The following LIPM variants were observed in gnomAD, a reference collection of about 807,000 sequenced individuals.
LIPM encodes lipase member M.
LIPM carries 42 observed loss-of-function variants against 42.4 expected under a neutral mutation model. That is an observed-to-expected ratio of 0.99 (90% CI 0.77 to 1.28). The LOEUF is 1.28. LIPM is among the 50% of genes most tolerant of loss of function. The pLI is 0.00. For synonymous variants in LIPM, 177 were observed against 173.3 expected, an observed-to-expected ratio of 1.02 and a Z score of -0.17; for missense variants, 524 against 520.1, an observed-to-expected ratio of 1.01 and a Z score of -0.07.
intron 1 of LIPM, among the ~76,000 whole-genome samples, chr10:88,806,218 T>C (rs3891558): frequency 0.14 from 20,547 of 152,194 alleles, 1,986 homozygotes; most frequent in African/African-American, 0.27. Context: ...GCAGCATTTG[T>C]AGTTCTTTTT....
intron 6 of LIPM, 129 bp downstream of exon 6, chr10:88,815,632 C>G: frequency 1.3e-6 from 1 of 796,436 alleles, no homozygotes; most frequent in Non-Finnish European, 1.9e-6. Context: ...ACTCAGTTCT[C>G]TGCAAACTGT....
chr10:88,806,009 A>G, intron 1 of LIPM: 1 of 456,546 alleles, frequency 2.2e-6, no homozygotes, highest in Non-Finnish European at 4.4e-6. Flanking sequence ...CAAACAGGTC[A>G]GTCACTGGAT....
In LIPM at chr10:88,810,510, C is replaced by CAAA. The variant is rs5786838; in HGVS notation, c.265+2109_265+2111dup. Among the ~76,000 whole-genome samples, 17 of 137,064 alleles carry CAAA rather than the reference C, an allele frequency of 1.2e-4. No individual in the cohort carries two copies. The East Asian group carries it at 1.2e-3, about 10-fold the overall frequency. The allele number at this position is 137,064 out of a possible 152,430, so 89.9% of individuals were successfully genotyped here. On this transcript the variant is annotated intron_variant, in intron 2 of 8. Transcript: ENST00000404743. ...CCTCTTCAGAGGCAATCTCCCATATCAAAAAAAAAAAAAAAATTCACCAAC... is the reference window on the plus strand; with the variant it reads ...CCTCTTCAGAGGCAATCTCCCATATCAAAAAAAAAAAAAAAAAAATTCACCAAC...
intron 4 of LIPM, 139 bp downstream of exon 4, chr10:88,814,778 T>G: frequency 1.5e-6 from 1 of 684,322 alleles, no homozygotes; most frequent in Non-Finnish European, 2.5e-6. Flanking sequence ...CCCAGCAATG[T>G]GTCTAGCATA....
At chr10:88,805,760 A>G (rs80052357) in intron 1 of LIPM, among the ~76,000 whole-genome samples, 1 of 152,284 alleles carries the variant, frequency 6.6e-6, no homozygotes, top group Admixed American at 6.5e-5. Context: ...TATTTGCCCC[A>G]GGTTGGATTT....
chr10:88,816,695 A>C (rs553584729), intron 6 of LIPM, 121 bp from the exon 7 acceptor site: 2 of 646,472 alleles, frequency 3.1e-6, no homozygotes, highest in East Asian at 5.6e-5. Flanking sequence ...TTCATAGATA[A>C]TTGCTGATAA....
intron 1 of LIPM, among the ~76,000 whole-genome samples, chr10:88,807,304 T>G (rs12412903): frequency 0.04 from 6,099 of 152,288 alleles, 260 homozygotes; most frequent in East Asian, 0.13. Flanking sequence ...TTAGAACCAG[T>G]GTTAAAACTC....
chr10:88,818,827 T>C (rs1843749894), intron 8 of LIPM, among the ~76,000 whole-genome samples: 1 of 152,206 alleles, frequency 6.6e-6, no homozygotes, highest in African/African-American at 2.4e-5. Context: ...GAAGTCTTTC[T>C]TCACTGTTTC....
At chr10:88,811,265 C>T (rs1160903360) in intron 2 of LIPM, among the ~76,000 whole-genome samples, 1 of 152,150 alleles carries the variant, frequency 6.6e-6, no homozygotes, top group Non-Finnish European at 1.5e-5. Flanking sequence ...CTGCCAAAAC[C>T]CTGTGAGGTG....
At chr10:88,812,206 T>G (rs952161006) in intron 2 of LIPM, among the ~76,000 whole-genome samples, 1 of 152,222 alleles carries the variant, frequency 6.6e-6, no homozygotes, top group African/African-American at 2.4e-5. Context: ...AGTGAAGTTA[T>G]ATCTTTCTTG....
Position 88,817,935 on chromosome 10 carries a change from T to C in LIPM, c.1002+39T>C, listed in dbSNP as rs937761029. On this transcript the variant is annotated intron_variant, in intron 8 of 8. Transcript: ENST00000404743. ...ATACCATCTGCTGAAAATATATACA[T>C]TGGAAATGTATGACAGGGACGTTAT... 1.3e-5 allele frequency: 18 copies of C among 1,429,404 alleles called. No individual in the cohort carries two copies. In the African/African-American group the frequency reaches 2.1e-4, roughly 17 times the overall value. 88.5% of individuals were successfully genotyped at this position (1,429,404 alleles called of 1,614,324 possible).
chr10:88,812,216 G>A (rs1405096656), intron 2 of LIPM, among the ~76,000 whole-genome samples: 3 of 152,056 alleles, frequency 2.0e-5, no homozygotes, highest in Non-Finnish European at 2.9e-5. Context: ...TATCTTTCTT[G>A]GTTCATCATA....
intron 3 of LIPM, 58 bp from the exon 4 acceptor site, chr10:88,814,472 A>G: frequency 8.5e-7 from 1 of 1,172,078 alleles, no homozygotes; most frequent in East Asian, 2.6e-5. Context: ...TGTCGGGGGG[A>G]GCTTTTGTTT....
chr10:88,816,313 T>C (rs968803054), intron 6 of LIPM, among the ~76,000 whole-genome samples: 1 of 152,230 alleles, frequency 6.6e-6, no homozygotes, highest in Non-Finnish European at 1.5e-5. Flanking sequence ...TCCTTAATTC[T>C]GAATATTTTT....
chr10:88,804,579 A>G (rs537962229), intron 1 of LIPM, among the ~76,000 whole-genome samples: 10 of 152,260 alleles, frequency 6.6e-5, no homozygotes, highest in African/African-American at 1.7e-4. Flanking sequence ...GTGGTGAAAA[A>G]AAAACAGCAA....
intron 4 of LIPM, among the ~76,000 whole-genome samples, chr10:88,814,848 C>T (rs1390373886): frequency 6.6e-6 from 1 of 152,082 alleles, no homozygotes; most frequent in East Asian, 1.9e-4. Flanking sequence ...TATAGCATAT[C>T]TCTCAATATA....
intron 3 of LIPM, among the ~76,000 whole-genome samples, 193 bp from the exon 4 acceptor site, chr10:88,814,337 G>C (rs532606185): frequency 1.3e-5 from 2 of 152,190 alleles, no homozygotes; most frequent in Admixed American, 1.3e-4. Flanking sequence ...GCAGTTTGCT[G>C]ACAGCCTGTG....
At position 88,813,080 on chromosome 10, in the gene LIPM, A is replaced by G. The variant is rs556197639; in HGVS notation, c.266-17A>G. The G allele has an allele frequency of 6.4e-6, 10 of 1,559,050 alleles. No individual in the cohort carries two copies. The highest frequency in any genetic ancestry group is 5.9e-5 in the South Asian group (5 of 85,400). On this transcript the variant is annotated splice_polypyrimidine_tract_variant and intron_variant, in intron 2 of 8. Transcript: ENST00000404743. ...GGAGAGAACATTTCATACAGTTGAA[A>G]TTTTCTCTTTTTGCAGGTTCCAGGC... is the stretch of plus-strand genomic sequence containing the variant.
chr10:88,806,013 A>G, intron 1 of LIPM: 7 of 456,614 alleles, frequency 1.5e-5, no homozygotes, highest in South Asian at 9.3e-5. Flanking sequence ...CAGGTCAGTC[A>G]CTGGATGTGG....
Sources: allele counts gnomAD v4.1 joint callset (sites outside exome capture counted in the v4.1 genomes callset), GRCh38; gene constraint gnomAD v4.1.1; transcripts MANE v1.5; gene names NCBI Gene and HGNC (gene_info 2026-07-23, HGNC 2026-07-21).